The following PNPLA7 variants were observed in gnomAD, a reference collection of about 807,000 sequenced individuals.
PNPLA7 encodes the protein patatin like domain 7, lysophospholipase, also known as patatin-like phospholipase domain-containing protein 7.
PNPLA7 carries 153 observed loss-of-function variants against 161.7 expected under a neutral mutation model. The observed-to-expected ratio is 0.95, with a 90% CI of 0.83 to 1.08. PNPLA7 has a LOEUF of 1.08. PNPLA7 is among the 50% of genes least tolerant of loss of function. The probability of loss-of-function intolerance (pLI) is 0.00; values close to 1 mark genes in which losing one functional copy is unlikely to be tolerated. For missense variants in PNPLA7, 1,739 were observed against 1,856.6 expected (o/e 0.94, Z 1.16); for synonymous variants, 809 against 782.1 (o/e 1.03, Z -0.57).
chr9:137,501,630 C>G lies in PNPLA7; in HGVS notation c.1551+20G>C, dbSNP rs559343038. ...ATGGCATTGGGTGGTCCCAGTGCCC[C>G]CCCCCAGACCCCCGCTCACCTGGTC... On this transcript the variant is annotated intron_variant, in intron 15 of 34. Transcript: ENST00000406427. 66 of 1,609,014 alleles carry G rather than the reference C, an allele frequency of 4.1e-5. No homozygotes were observed. Among genetic ancestry groups the G allele is most frequent in the African/African-American group, 5.3e-5 (4 of 74,858 alleles).
chr9:137,545,867 G>A (rs191693535), intron 4 of PNPLA7, among the ~76,000 whole-genome samples: 62 of 152,272 alleles, frequency 4.1e-4, no homozygotes, highest in Middle Eastern at 3.4e-3. Flanking sequence ...CAAGCGGACC[G>A]TGATCTAGCG....
intron 13 of PNPLA7, 58 bp downstream of exon 13, chr9:137,505,925 C>A: frequency 6.4e-7 from 1 of 1,552,390 alleles, no homozygotes; most frequent in South Asian, 1.2e-5. Flanking sequence ...AATGCACCAG[C>A]AAGCCACGGA....
intron 17 of PNPLA7, among the ~76,000 whole-genome samples, chr9:137,497,531 T>C (rs1262472058): frequency 2.0e-5 from 3 of 151,424 alleles, no homozygotes; most frequent in Non-Finnish European, 4.4e-5. Context: ...GTTTTAATTA[T>C]TATTATTATT....
At chr9:137,463,387 G>A in intron 29 of PNPLA7, 28 bp downstream of exon 29, 1 of 1,566,156 alleles carries the variant, frequency 6.4e-7, no homozygotes, top group African/African-American at 1.3e-5. Context: ...CTGTGCTCCT[G>A]CCGGGCGTGG....
intron 26 of PNPLA7, among the ~76,000 whole-genome samples, chr9:137,466,168 T>A (rs552738436): frequency 4.6e-5 from 7 of 152,198 alleles, no homozygotes; most frequent in African/African-American, 1.7e-4. Context: ...CATCCTCAGC[T>A]GCTCACGCTG....
rs1340599973 is a variant in PNPLA7 at position 137,468,404 on chromosome 9, G to A, written c.2883-931C>T. Among the ~76,000 whole-genome samples the A allele has an allele frequency of 2.0e-5, 3 of 152,192 alleles. No homozygotes were observed. The highest frequency in any genetic ancestry group is 4.4e-5 in the Non-Finnish European group (3 of 68,044). On this transcript the variant is annotated intron_variant, in intron 25 of 34. Coordinates refer to ENST00000406427, the MANE Select transcript of PNPLA7 (RefSeq NM_001098537.3). This position sits in a 1 kb window ranked among gnomAD's most constrained non-coding sequence, Gnocchi z 4.0. Reference sequence around the variant, plus strand: ...CTCCCAGGTAAGAGATACAGACACAGGCTTTTACAATGACCACGCTTAAAG... The same window carrying A: ...CTCCCAGGTAAGAGATACAGACACAAGCTTTTACAATGACCACGCTTAAAG...
At position 137,497,192 on chromosome 9, in the gene PNPLA7, C is replaced by G; in HGVS notation, c.2008G>C (p.Gly670Arg). ...AGEYGRGDLV[G>R]VVETLTHQAR... ...GAGCAGGGCCCAGCACCTACCACGC[C>G]GACGAGGTCTCCTCGGCCGTACTCC... The change falls in exon 18 of 35, where the codon GGC becomes CGC. Residue 670 changes from glycine to arginine, a missense_variant. Transcript: ENST00000406427. The G allele has an allele frequency of 1.3e-6, 2 of 1,577,584 alleles. No individual in the cohort carries two copies. Among genetic ancestry groups the G allele is most frequent in the Non-Finnish European group, 1.7e-6 (2 of 1,163,580 alleles).
At chr9:137,545,784 T>A (rs916101194) in intron 4 of PNPLA7, among the ~76,000 whole-genome samples, 1 of 152,200 alleles carries the variant, frequency 6.6e-6, no homozygotes, top group East Asian at 1.9e-4. Flanking sequence ...AGCCTTCTGT[T>A]ATGCCCGGAC....
At chr9:137,519,881 G>A (rs1407937967) in intron 11 of PNPLA7, 36 bp downstream of exon 11, 6 of 1,592,290 alleles carry the variant, frequency 3.8e-6, no homozygotes, top group Non-Finnish European at 5.1e-6. Flanking sequence ...CCGGACTCTG[G>A]GGCTGGACAT....
intron 20 of PNPLA7, among the ~76,000 whole-genome samples, chr9:137,485,714 C>T (rs534214811): frequency 3.9e-5 from 6 of 152,344 alleles, no homozygotes; most frequent in African/African-American, 9.6e-5. Flanking sequence ...CCCGGAGACG[C>T]GAGTGAGGGT....
At chr9:137,483,871 T>G (rs949567325) in intron 21 of PNPLA7, among the ~76,000 whole-genome samples, 4 of 152,218 alleles carry the variant, frequency 2.6e-5, no homozygotes, top group Non-Finnish European at 4.4e-5. Context: ...CATTTTCACA[T>G]GGTTCTGAAA....
At chr9:137,514,399 A>T in intron 12 of PNPLA7, among the ~76,000 whole-genome samples, 3 of 77,848 alleles carry the variant, frequency 3.9e-5, no homozygotes, top group East Asian at 9.4e-4. Flanking sequence ...GCTGGGCTGC[A>T]GGCGGGTCAC....
intron 29 of PNPLA7, 103 bp from the exon 30 acceptor site, chr9:137,462,936 C>G: frequency 6.8e-7 from 1 of 1,473,848 alleles, no homozygotes; most frequent in Admixed American, 1.9e-5. Context: ...GTTGTGGGGT[C>G]TCCTCTCCGC....
At chr9:137,481,457 G>T (rs1832216333) in intron 21 of PNPLA7, among the ~76,000 whole-genome samples, 1 of 152,242 alleles carries the variant, frequency 6.6e-6, no homozygotes, top group South Asian at 2.1e-4. Flanking sequence ...GTGTTGACAT[G>T]CCTGTTCGTA....
At position 137,541,486 on chromosome 9, in the gene PNPLA7, C is replaced by T. The variant is rs750287981; in HGVS notation, c.667-764G>A. ...CCCCGACAGGCAGTGCCGGAGCTGG[C>T]GTGGGATCACAGCCCACTCCCGGGA... On this transcript the variant is annotated intron_variant, in intron 7 of 34. Coordinates refer to ENST00000406427, the MANE Select transcript of PNPLA7 (RefSeq NM_001098537.3). The surrounding 1 kb of genome is among the most constrained non-coding windows in gnomAD (Gnocchi z 4.4). 12 of 985,332 alleles carry T rather than the reference C, an allele frequency of 1.2e-5. No homozygotes were observed. The highest frequency in any genetic ancestry group is 1.2e-4 in the Admixed American group (2 of 16,264). The allele number at this position is 985,332 out of a possible 1,614,324, so 61.0% of individuals were successfully genotyped here.
intron 20 of PNPLA7, chr9:137,491,727 T>A (rs1832773363): frequency 2.0e-6 from 2 of 985,430 alleles, no homozygotes; most frequent in Non-Finnish European, 2.4e-6. Flanking sequence ...TGTGCATCCA[T>A]CCGCTTCTTG....
In PNPLA7 at chr9:137,541,409, C is replaced by G. The variant is rs531027756; in HGVS notation, c.667-687G>C. ...CCATCAAGTCCAGCCACAGACAAAG[C>G]GACAAACCTGAGAACCAAATAATTT... On this transcript the variant is annotated intron_variant, in intron 7 of 34. Coordinates refer to ENST00000406427, the MANE Select transcript of PNPLA7 (RefSeq NM_001098537.3). The surrounding 1 kb of genome is among the most constrained non-coding windows in gnomAD (Gnocchi z 4.4). 1.4e-5 allele frequency: 14 copies of G among 985,150 alleles called. No homozygotes were observed. Among genetic ancestry groups the G allele is most frequent in the Non-Finnish European group, 2.4e-6 (2 of 829,790 alleles). 61.0% of individuals were successfully genotyped at this position (985,150 alleles called of 1,614,324 possible).
rs2132058925 is a variant in PNPLA7, at chr9:137,463,414, C to T, written c.3343+1G>A. On this transcript the variant is annotated splice_donor_variant, in intron 29 of 34. Transcript: ENST00000406427. LOFTEE classifies it high-confidence loss of function. ...CGGGCGTGGTCCCCCCACCGCAGTA[C>T]CTGGGAGGTTGTTGATGTAGCCCCC... 3 of 1,601,132 alleles carry T rather than the reference C, an allele frequency of 1.9e-6. No individual in the cohort carries two copies. The highest frequency in any genetic ancestry group is 1.3e-5 in the African/African-American group (1 of 74,884).
At chr9:137,518,457 C>T (rs1353541898) in intron 11 of PNPLA7, among the ~76,000 whole-genome samples, 2 of 79,532 alleles carry the variant, frequency 2.5e-5, no homozygotes, top group African/African-American at 1.1e-4. Flanking sequence ...CCCCCACTCA[C>T]TCACTCCACT....
Sources: gnomAD v4.1 joint callset for allele counts (sites outside exome capture counted in the v4.1 genomes callset) on GRCh38, gnomAD v4.1.1 for gene constraint, Gnocchi (gnomAD v3.1) non-coding constraint, MANE v1.5 for transcripts, NCBI Gene and HGNC (gene_info 2026-07-23, HGNC 2026-07-21) for gene names.